Variants in LRP1 observed in about 807,000 individuals in gnomAD.
The protein encoded by LRP1 is prolow-density lipoprotein receptor-related protein 1.
LRP1 carries 51 observed loss-of-function variants against 541.5 expected under a neutral mutation model. The observed-to-expected ratio is 0.09, with a 90% CI of 0.08 to 0.12. The LOEUF (loss-of-function observed/expected upper bound fraction) is 0.12, where lower values mean the gene tolerates loss of function less well. Ranked by LOEUF, LRP1 falls within the 10% of genes least tolerant of loss-of-function variation. The pLI is 1.00. For missense variants in LRP1, 3,878 were observed against 6,376.2 expected (o/e 0.61, Z 13.34); for synonymous variants, 2,219 against 2,470.8 (o/e 0.90, Z 3.02).
In LRP1 at chr12:57,179,981, G is replaced by T. The variant is rs1485706528; in HGVS notation, c.5141+25G>T. On this transcript the variant is annotated intron_variant, in intron 30 of 88. Transcript: ENST00000243077. This position sits in a 1 kb window ranked among gnomAD's most constrained non-coding sequence, Gnocchi z 6.8. Reference sequence around the variant, plus strand: ...GGTCAGTCTAGGGCCCAGGGCCGGGGAGCATGGGGTGTGGGGCTGGGAAGA... The same window carrying T: ...GGTCAGTCTAGGGCCCAGGGCCGGGTAGCATGGGGTGTGGGGCTGGGAAGA... 1 of 1,613,954 alleles carries T rather than the reference G, an allele frequency of 6.2e-7. No homozygotes were observed. The highest frequency in any genetic ancestry group is 2.2e-5 in the East Asian group (1 of 44,888).
intron 82 of LRP1, 38 bp downstream of exon 82, chr12:57,210,518 C>A: frequency 6.6e-7 from 1 of 1,512,908 alleles, no homozygotes; most frequent in Non-Finnish European, 8.9e-7. Flanking sequence ...CTCCTTGCCC[C>A]TGGGCCCCAG....
intron 43 of LRP1, 33 bp downstream of exon 43, chr12:57,191,042 G>T: frequency 6.3e-7 from 1 of 1,583,748 alleles, no homozygotes. Context: ...CTGGCGGGCG[G>T]CTGAGGGGAG....
At chr12:57,151,558 G>A (rs948216918) in intron 6 of LRP1, among the ~76,000 whole-genome samples, 10 of 152,246 alleles carry the variant, frequency 6.6e-5, no homozygotes, top group African/African-American at 1.7e-4. Flanking sequence ...AAGGCTGGGC[G>A]ACAAGGGGAC....
chr12:57,195,684 G>A lies in LRP1; in HGVS notation c.8464G>A (p.Glu2822Lys), dbSNP rs1377352214. Residue 2822 changes from glutamate (E) to lysine (K), a missense_variant, in exon 53 of 89, where the codon GAG becomes AAG. Around this residue, in one of 13 missense-constraint regions of LRP1, gnomAD observed 1,100 missense variants for 1,827.4 expected, o/e 0.60. Transcript: ENST00000243077. ...CLYNSTCDDREFMCQNRQCIP... is the reference protein window; with the variant it reads ...CLYNSTCDDRKFMCQNRQCIP... The stretch of plus-strand genomic sequence containing the variant: ...GTACAACAGCACTTGTGACGACCGT[G>A]AGTTCATGTGCCAGAACCGCCAGTG... 2 of 1,614,126 alleles carry A rather than the reference G, an allele frequency of 1.2e-6. No individual in the cohort carries two copies. The highest frequency in any genetic ancestry group is 2.2e-5 in the South Asian group (2 of 91,080).
Position 57,184,341 on chromosome 12 carries a change from T to G in LRP1, c.6075T>G (p.Thr2025=). Residue 2025 remains threonine, a synonymous_variant, in exon 38 of 89, where the codon ACT becomes ACG. Coordinates refer to ENST00000243077, the MANE Select transcript of LRP1 (RefSeq NM_002332.3). The surrounding 1 kb of genome is among the most constrained non-coding windows in gnomAD (Gnocchi z 7.8). ...CACCCTACAGGTACTTGTTCTGGAC[T>G]GAGTGGGGTCAGTATCCGCGTATTG... ...VHPEKGYLFW[T]EWGQYPRIER... 6.2e-7 allele frequency: 1 copy of G among 1,614,214 alleles called. No homozygotes were observed. Among genetic ancestry groups the G allele is most frequent in the South Asian group, 1.1e-5 (1 of 91,084 alleles).
rs946251875 is a variant in LRP1, at chr12:57,175,805, C to T, written c.3793+100C>T. The T allele has an allele frequency of 3.8e-6, 6 of 1,561,408 alleles. No homozygotes were observed. In the East Asian group the frequency reaches 1.1e-4, roughly 29 times the overall value. On this transcript the variant is annotated intron_variant, in intron 23 of 88. Coordinates refer to ENST00000243077, the MANE Select transcript of LRP1 (RefSeq NM_002332.3). Reference sequence around the variant, plus strand: ...AGGTGCCAAAGGCTGAGTTTTCCACCCTAGCCCCCAGTGCCCGGACCAGCA... The same window carrying T: ...AGGTGCCAAAGGCTGAGTTTTCCACTCTAGCCCCCAGTGCCCGGACCAGCA...
At position 57,194,348 on chromosome 12, in the gene LRP1, C is replaced by G. The variant is rs534741228; in HGVS notation, c.7919-6C>G. The G allele has an allele frequency of 6.6e-7, 1 of 1,510,134 alleles. No individual in the cohort carries two copies. Among genetic ancestry groups the G allele is most frequent in the South Asian group, 1.3e-5 (1 of 74,576 alleles). The allele number at this position is 1,510,134 out of a possible 1,614,324, so 93.5% of individuals were successfully genotyped here. ...CAGGTATCACCCTCACCCCTGCCCC[C>G]ACCAGGTGCCACCGACTGCAGCAGC... On this transcript the variant is annotated splice_polypyrimidine_tract_variant and splice_region_variant and intron_variant, in intron 48 of 88. Coordinates refer to ENST00000243077, the MANE Select transcript of LRP1 (RefSeq NM_002332.3).
In LRP1 at chr12:57,154,733, G is replaced by C. The variant is rs1175608543; in HGVS notation, c.1227+32G>C. 1.9e-6 allele frequency: 3 copies of C among 1,541,978 alleles called. No homozygotes were observed. The highest frequency in any genetic ancestry group is 1.8e-6 in the Non-Finnish European group (2 of 1,138,476). On this transcript the variant is annotated intron_variant, in intron 8 of 88. Coordinates refer to ENST00000243077, the MANE Select transcript of LRP1 (RefSeq NM_002332.3). This position sits in a 1 kb window ranked among gnomAD's most constrained non-coding sequence, Gnocchi z 4.6. ...GAGCTACTGTCTGAGGTTTTGTGGG[G>C]GAACCATGATCCAGGGCCTTCTGGT...
At position 57,206,700 on chromosome 12, in the gene LRP1, C is replaced by T. The variant is rs781227019; in HGVS notation, c.11818C>T (p.Arg3940Cys). ...TGCTGCGCCTCCTACCACTTCCAACCGCCACCGGCGACAGATTGACCGGGG... is the reference window on the plus strand; with the variant it reads ...TGCTGCGCCTCCTACCACTTCCAACTGCCACCGGCGACAGATTGACCGGGG... ...PPAAPPTTSN[R>C]HRRQIDRGVT... The change falls in exon 76 of 89, where the codon CGC (arginine) becomes TGC (cysteine). Residue 3940 changes from arginine (R) to cysteine (C), a missense_variant. Coordinates refer to ENST00000243077, the MANE Select transcript of LRP1 (RefSeq NM_002332.3). This position sits in a 1 kb window ranked among gnomAD's most constrained non-coding sequence, Gnocchi z 4.7. 1.9e-6 allele frequency: 3 copies of T among 1,613,464 alleles called. No homozygotes were observed. The highest frequency in any genetic ancestry group is 2.2e-5 in the East Asian group (1 of 44,892).
chr12:57,193,478 G>A, intron 46 of LRP1, 88 bp from the exon 47 acceptor site: 3 of 1,548,166 alleles, frequency 1.9e-6, no homozygotes, highest in Non-Finnish European at 2.6e-6. Context: ...GTTTGGGGGT[G>A]GCCAGCTGGA....
chr12:57,210,265 C>G, intron 81 of LRP1, 42 bp from the exon 82 acceptor site: 1 of 1,550,012 alleles, frequency 6.5e-7, no homozygotes, highest in Non-Finnish European at 8.7e-7. Context: ...TCCCTCTCCT[C>G]CTATTCCCCT....
Position 57,177,020 on chromosome 12 carries a change from T to C in LRP1, c.3992-21T>C, listed in dbSNP as rs574136820. 2.5e-6 allele frequency: 4 copies of C among 1,607,942 alleles called. No individual in the cohort carries two copies. The Admixed American group carries it at 5.0e-5, about 20-fold the overall frequency. Reference sequence around the variant, plus strand: ...CAGCTCCCCAGGAGACGCTAACCTTTCACTGCCCTCTCTTCTCCAGCCCTG... The same window carrying C: ...CAGCTCCCCAGGAGACGCTAACCTTCCACTGCCCTCTCTTCTCCAGCCCTG... On this transcript the variant is annotated intron_variant, in intron 24 of 88. Coordinates refer to ENST00000243077, the MANE Select transcript of LRP1 (RefSeq NM_002332.3). The surrounding 1 kb of genome is among the most constrained non-coding windows in gnomAD (Gnocchi z 6.8).
Position 57,165,814 on chromosome 12 carries a change from C to A in LRP1, c.2540C>A (p.Ser847Tyr). The change falls in exon 16 of 89, where the codon TCC becomes TAC. Residue 847 changes from serine (S) to tyrosine (Y), a missense_variant. Physicochemically the swap from Ser to Tyr is moderately radical, Grantham distance 144. Transcript: ENST00000243077. The surrounding 1 kb of genome is among the most constrained non-coding windows in gnomAD (Gnocchi z 4.5). The stretch of plus-strand genomic sequence containing the variant: ...CCTGTGGTGCCCACAGCGAACCCAT[C>A]CTACGTGCCTCCACCCCAGTGCCAG... ...ADGVTCLANP[S>Y]YVPPPQCQPG... 6.2e-7 allele frequency: 1 copy of A among 1,614,214 alleles called. No homozygotes were observed. Among genetic ancestry groups the A allele is most frequent in the Non-Finnish European group, 8.5e-7 (1 of 1,179,978 alleles).
rs1269120207 is a variant in LRP1, at chr12:57,190,798, C to G, written c.7032-7C>G. 2 of 1,613,002 alleles carry G rather than the reference C, an allele frequency of 1.2e-6. No individual in the cohort carries two copies. Among genetic ancestry groups the G allele is most frequent in the Non-Finnish European group, 1.7e-6 (2 of 1,179,532 alleles). ...TGCCTCCTGATCTCTGGACCCTCTT[C>G]CCCCAGCCTCATGTTCTGGACCAAC... On this transcript the variant is annotated splice_region_variant and splice_polypyrimidine_tract_variant and intron_variant, in intron 42 of 88. Transcript: ENST00000243077.
At chr12:57,198,389 A>G in intron 59 of LRP1, 46 bp downstream of exon 59, 1 of 1,605,966 alleles carries the variant, frequency 6.2e-7, no homozygotes, top group Non-Finnish European at 8.5e-7. Flanking sequence ...AGCAGCATCC[A>G]AGCCCAGCCT....
In LRP1 at chr12:57,211,378, A is replaced by G; in HGVS notation, c.13091+28A>G. The G allele has an allele frequency of 6.2e-7, 1 of 1,611,222 alleles. No individual in the cohort carries two copies. Among genetic ancestry groups the G allele is most frequent in the Non-Finnish European group, 8.5e-7 (1 of 1,179,110 alleles). On this transcript the variant is annotated intron_variant, in intron 84 of 88. Transcript: ENST00000243077. The surrounding 1 kb of genome is among the most constrained non-coding windows in gnomAD (Gnocchi z 4.3). ...GAGTGGGGCCCTCCTCCACAGTTCC[A>G]CCCAGCTGGGCCCCTGCCCTGTCCT...
Position 57,196,166 on chromosome 12 carries a change from G to C in LRP1, c.8781G>C (p.Gln2927His). 1 of 1,612,944 alleles carries C rather than the reference G, an allele frequency of 6.2e-7. No individual in the cohort carries two copies. The highest frequency in any genetic ancestry group is 1.1e-5 in the South Asian group (1 of 91,054). ...CVAEALLCNG[Q>H]DDCGDSSDER... ...CTGAGGCACTGCTCTGCAACGGCCA[G>C]GATGACTGTGGCGACAGCTCGGACG... Residue 2927 changes from glutamine to histidine, a missense_variant, in exon 55 of 89, where the codon CAG (glutamine) becomes CAC (histidine). This residue lies in a region of LRP1 where 1,100 missense variants were observed against 1,827.4 expected (regional missense o/e 0.60). Coordinates refer to ENST00000243077, the MANE Select transcript of LRP1 (RefSeq NM_002332.3).
At chr12:57,176,176 C>T in intron 24 of LRP1, 70 bp downstream of exon 24, 4 of 1,495,346 alleles carry the variant, frequency 2.7e-6, no homozygotes, top group Non-Finnish European at 3.7e-6. Flanking sequence ...CCACAGGTCC[C>T]ATCCAAGTGG....
chr12:57,153,501 C>G (rs539877463), intron 6 of LRP1, among the ~76,000 whole-genome samples: 1 of 152,246 alleles, frequency 6.6e-6, no homozygotes, highest in Admixed American at 6.5e-5. Context: ...GGCCCTCCTC[C>G]TAGACTCTCT....
Sources: gnomAD v4.1 joint callset for allele counts (sites outside exome capture counted in the v4.1 genomes callset) on GRCh38, gnomAD v4.1.1 for gene constraint, gnomAD v4.1.1 regional missense constraint, Gnocchi (gnomAD v3.1) non-coding constraint, MANE v1.5 for transcripts, NCBI Gene and HGNC (gene_info 2026-07-23, HGNC 2026-07-21) for gene names.